Variants in DNAJC1 observed in about 807,000 individuals in gnomAD.
DNAJC1 encodes the protein DnaJ heat shock protein family (Hsp40) member C1, also known as dnaJ homolog subfamily C member 1.
A neutral mutation model predicts 76.6 loss-of-function variants in DNAJC1; 58 were observed. The observed-to-expected ratio is 0.76, with a 90% confidence interval of 0.61 to 0.94. The LOEUF (loss-of-function observed/expected upper bound fraction) is 0.94, where lower values mean the gene tolerates loss of function less well. DNAJC1 is among the 40% of genes least tolerant of loss of function. DNAJC1 has a pLI of 0.00. For missense variants in DNAJC1, 689 were observed against 677.3 expected (o/e 1.02, Z -0.19); for synonymous variants, 258 against 267.9 (o/e 0.96, Z 0.36).
intron 1 of DNAJC1, among the ~76,000 whole-genome samples, chr10:21,945,566 T>C (rs1361847673): frequency 6.6e-6 from 1 of 152,088 alleles, no homozygotes; most frequent in African/African-American, 2.4e-5. Flanking sequence ...GGGACACCAT[T>C]AGCAGGAAAA....
rs193068749 is a variant in DNAJC1, at chr10:21,979,439, A to T, written c.222+23774T>A. Reference sequence around the variant, plus strand: ...TTAAGAACTATGATGCCAGGTTAAAATGCTAGAGGAGATTTAATTGATTTT... The same window carrying T: ...TTAAGAACTATGATGCCAGGTTAAATTGCTAGAGGAGATTTAATTGATTTT... On this transcript the variant is annotated intron_variant, in intron 1 of 11. Coordinates refer to ENST00000376980, the MANE Select transcript of DNAJC1 (RefSeq NM_022365.4). Among the ~76,000 whole-genome samples, 142 of 152,226 alleles carry T rather than the reference A, an allele frequency of 9.3e-4. 3 individuals are homozygous for T. Among genetic ancestry groups the T allele is most frequent in the Non-Finnish European group, 2.6e-4 (18 of 67,954 alleles).
intron 7 of DNAJC1, among the ~76,000 whole-genome samples, chr10:21,895,460 T>G (rs950624272): frequency 1.9e-4 from 29 of 152,302 alleles, no homozygotes; most frequent in African/African-American, 7.0e-4. Context: ...GCTAGGTTAT[T>G]TTGTGGATGA....
At chr10:21,972,041 G>A (rs1472614238) in intron 1 of DNAJC1, among the ~76,000 whole-genome samples, 5 of 151,886 alleles carry the variant, frequency 3.3e-5, no homozygotes, top group African/African-American at 1.2e-4. Flanking sequence ...TTCTACTGTA[G>A]TGGTTTACTG....
At chr10:21,895,991 A>T (rs562146252) in intron 7 of DNAJC1, among the ~76,000 whole-genome samples, 59 of 152,328 alleles carry the variant, frequency 3.9e-4, no homozygotes, top group African/African-American at 1.3e-3. Context: ...CCTTGGTGGC[A>T]TCCATGTGGT....
chr10:21,816,933 T>A (rs1251984055), intron 8 of DNAJC1, among the ~76,000 whole-genome samples: 1 of 140,062 alleles, frequency 7.1e-6, no homozygotes, highest in Non-Finnish European at 1.5e-5. Context: ...GGTGGGTGGA[T>A]CACAAGGTCA....
intron 9 of DNAJC1, among the ~76,000 whole-genome samples, chr10:21,781,492 C>G (rs1361176911): frequency 6.6e-6 from 1 of 152,082 alleles, no homozygotes; most frequent in African/African-American, 2.4e-5. Flanking sequence ...GAGGCAGAGG[C>G]GGGCAGATCA....
intron 8 of DNAJC1, among the ~76,000 whole-genome samples, chr10:21,848,565 T>G (rs925977663): frequency 6.6e-6 from 1 of 152,186 alleles, no homozygotes; most frequent in Non-Finnish European, 1.5e-5. Flanking sequence ...ACTTTCAATA[T>G]GGATAGAACA....
At chr10:21,768,807 C>T (rs745785155) in intron 9 of DNAJC1, among the ~76,000 whole-genome samples, 2 of 152,148 alleles carry the variant, frequency 1.3e-5, no homozygotes, top group Non-Finnish European at 2.9e-5. Flanking sequence ...CTTCTTTTAT[C>T]CTAATTCAAA....
In DNAJC1 at chr10:21,814,017, T is replaced by TA. The variant is rs1482457929; in HGVS notation, c.979-7919dup. On this transcript the variant is annotated intron_variant, in intron 8 of 11. Transcript: ENST00000376980. ...CTACCTTATTTGCTCACAAGTAAGG[T>TA]AAAATCTCAAACTCTTTACAGTTTT... is the stretch of plus-strand genomic sequence containing the variant. Among the ~76,000 whole-genome samples the TA allele has an allele frequency of 3.3e-5, 5 of 152,206 alleles. No individual in the cohort carries two copies. The South Asian group carries it at 8.3e-4, about 25-fold the overall frequency.
At chr10:21,829,258 A>G (rs1177479093) in intron 8 of DNAJC1, among the ~76,000 whole-genome samples, 1 of 149,996 alleles carries the variant, frequency 6.7e-6, no homozygotes, top group East Asian at 2.0e-4. Flanking sequence ...TTTGTCGCCC[A>G]GGCTGGAGTG....
chr10:21,912,987 C>CTT (rs201161273), intron 6 of DNAJC1, among the ~76,000 whole-genome samples: 8 of 134,482 alleles, frequency 5.9e-5, no homozygotes, highest in East Asian at 2.2e-4. Flanking sequence ...TCTTAGGCAA[C>CTT]TTTTTTTTTT....
intron 8 of DNAJC1, among the ~76,000 whole-genome samples, chr10:21,846,190 G>A (rs555250700): frequency 2.5e-4 from 38 of 152,232 alleles, no homozygotes; most frequent in South Asian, 1.5e-3. Context: ...GGTAGTTTGC[G>A]TACAATGTCT....
chr10:21,824,909 G>C (rs557346468), intron 8 of DNAJC1, among the ~76,000 whole-genome samples: 69 of 152,090 alleles, frequency 4.5e-4, no homozygotes, highest in African/African-American at 1.7e-3. Flanking sequence ...CGAGTAGCTG[G>C]GATTATAGGT....
chr10:21,972,048 A>C (rs1837988132), intron 1 of DNAJC1, among the ~76,000 whole-genome samples: 1 of 151,958 alleles, frequency 6.6e-6, no homozygotes, highest in Non-Finnish European at 1.5e-5. Flanking sequence ...GTAGTGGTTT[A>C]CTGATATGGA....
chr10:21,875,362 C>T (rs972355847), intron 8 of DNAJC1, among the ~76,000 whole-genome samples: 2 of 152,150 alleles, frequency 1.3e-5, no homozygotes, highest in Non-Finnish European at 2.9e-5. Context: ...TCCTAGGTTT[C>T]CCTGGCTGGT....
intron 9 of DNAJC1, among the ~76,000 whole-genome samples, chr10:21,782,653 C>T (rs935913922): frequency 2.0e-5 from 3 of 152,138 alleles, no homozygotes; most frequent in Non-Finnish European, 4.4e-5. Flanking sequence ...AAATCCTCAA[C>T]AAGATACTGG....
At chr10:21,811,452 C>A (rs575840617) in intron 8 of DNAJC1, among the ~76,000 whole-genome samples, 1 of 152,318 alleles carries the variant, frequency 6.6e-6, no homozygotes, top group South Asian at 2.1e-4. Context: ...GACACCCCTG[C>A]GTGTCTCCCA....
At chr10:21,911,189 G>C (rs1297979771) in intron 6 of DNAJC1, among the ~76,000 whole-genome samples, 1 of 151,932 alleles carries the variant, frequency 6.6e-6, no homozygotes, top group African/African-American at 2.4e-5. Context: ...ACGTGGAAGA[G>C]CTATGAGGAA....
chr10:21,980,691 T>C (rs78463510), intron 1 of DNAJC1, among the ~76,000 whole-genome samples: 2,486 of 152,248 alleles, frequency 0.016, 60 homozygotes, highest in African/African-American at 0.057. Context: ...TTTATTAAGG[T>C]TACATCTGAG....
Sources: allele counts gnomAD v4.1 joint callset (sites outside exome capture counted in the v4.1 genomes callset), GRCh38; gene constraint gnomAD v4.1.1; transcripts MANE v1.5; gene names NCBI Gene and HGNC (gene_info 2026-07-23, HGNC 2026-07-21).